CHRM3: variants seen among roughly 807,000 people sequenced by gnomAD.
CHRM3 encodes the protein muscarinic acetylcholine receptor M3.
Under a neutral mutation model 41.8 loss-of-function variants are expected in CHRM3, and 11 were observed. The ratio of observed to expected loss-of-function variants is 0.26; its 90% CI spans 0.17 to 0.44. The LOEUF (loss-of-function observed/expected upper bound fraction) is 0.44, where lower values mean the gene tolerates loss of function less well. Ranked by LOEUF, CHRM3 falls within the 20% of genes least tolerant of loss-of-function variation. CHRM3 has a pLI of 1.00. For missense variants in CHRM3, 571 were observed against 745.4 expected (o/e 0.77, Z 2.72); for synonymous variants, 297 against 301.4 (o/e 0.99, Z 0.15).
In CHRM3 at chr1:239,805,017, G is replaced by A. The variant is rs369114381; in HGVS notation, c.-146-22235G>A. On this transcript the variant is annotated intron_variant, in intron 5 of 6. Transcript: ENST00000676153. ...CACATTCTGAAACTATCCTCTGCCC[G>A]TTTCCTTAACTCTTACATAATTTCC... Among the ~76,000 whole-genome samples, 82 of 152,076 alleles carry A rather than the reference G, an allele frequency of 5.4e-4. 1 individual carries two copies. In the South Asian group the frequency reaches 0.014, roughly 27 times the overall value.
intron 6 of CHRM3, chr1:239,898,075 A>G (rs554861672): frequency 3.2e-4 from 49 of 152,380 alleles, no homozygotes; most frequent in African/African-American, 1.1e-3. Flanking sequence ...TTTGTTCACA[A>G]TAAGAGCCAT....
intron 2 of CHRM3, among the ~76,000 whole-genome samples, chr1:239,520,990 C>T (rs1473655968): frequency 6.6e-6 from 1 of 151,988 alleles, no homozygotes; most frequent in Non-Finnish European, 1.5e-5. Flanking sequence ...GAGTTTGACC[C>T]AATATGAACT....
chr1:239,426,160 C>G (rs1196997739), intron 1 of CHRM3, among the ~76,000 whole-genome samples: 3 of 112,356 alleles, frequency 2.7e-5, no homozygotes, highest in South Asian at 4.2e-4. Flanking sequence ...CCCCTCCCCC[C>G]ACCCCACAAC....
intron 1 of CHRM3, among the ~76,000 whole-genome samples, chr1:239,394,279 C>T (rs973226583): frequency 2.6e-5 from 4 of 152,248 alleles, no homozygotes; most frequent in Non-Finnish European, 4.4e-5. Context: ...TTCCTTTCTT[C>T]CTTCAGCTCC....
chr1:239,480,249 G>T (rs1251260511), intron 1 of CHRM3, among the ~76,000 whole-genome samples: 4 of 152,164 alleles, frequency 2.6e-5, no homozygotes, highest in South Asian at 2.1e-4. Flanking sequence ...CAGATGAAAA[G>T]CTCCTACATG....
At chr1:239,874,516 A>T (rs574708686) in intron 6 of CHRM3, among the ~76,000 whole-genome samples, 1 of 150,982 alleles carries the variant, frequency 6.6e-6, no homozygotes, top group Non-Finnish European at 1.5e-5. Context: ...GTATTTGAGG[A>T]TTTTGGTATC....
At chr1:239,692,134 G>A (rs1659779220) in intron 5 of CHRM3, among the ~76,000 whole-genome samples, 1 of 152,182 alleles carries the variant, frequency 6.6e-6, no homozygotes, top group Non-Finnish European at 1.5e-5. Context: ...CAGATAAATA[G>A]TAACAGGCTG....
chr1:239,407,974 T>C (rs1050633643), intron 1 of CHRM3, among the ~76,000 whole-genome samples: 1 of 152,084 alleles, frequency 6.6e-6, no homozygotes, highest in Non-Finnish European at 1.5e-5. Flanking sequence ...TACCACTATG[T>C]AAAATGTGAT....
chr1:239,671,175 G>A (rs1674328196), intron 4 of CHRM3, among the ~76,000 whole-genome samples: 1 of 152,080 alleles, frequency 6.6e-6, no homozygotes, highest in African/African-American at 2.4e-5. Context: ...TTTTTCATAG[G>A]ATTACTAGAC....
intron 2 of CHRM3, among the ~76,000 whole-genome samples, chr1:239,495,390 A>C (rs1667814169): frequency 6.6e-6 from 1 of 152,118 alleles, no homozygotes; most frequent in African/African-American, 2.4e-5. Context: ...TCTTCCCTCT[A>C]ATTAGCTTTC....
chr1:239,780,625 T>C (rs1668442730), intron 5 of CHRM3, among the ~76,000 whole-genome samples: 1 of 152,202 alleles, frequency 6.6e-6, no homozygotes, highest in Admixed American at 6.5e-5. Flanking sequence ...GAAGTCCCGC[T>C]TATCAATTAT....
chr1:239,881,261 C>A (rs369236212), intron 6 of CHRM3, among the ~76,000 whole-genome samples: 11 of 100,704 alleles, frequency 1.1e-4, no homozygotes, highest in Admixed American at 1.8e-4. Flanking sequence ...CCAGCCTGGG[C>A]GACAGAGTGA....
At chr1:239,499,543 G>T (rs1457679425) in intron 2 of CHRM3, among the ~76,000 whole-genome samples, 2 of 152,136 alleles carry the variant, frequency 1.3e-5, no homozygotes, top group African/African-American at 4.8e-5. Flanking sequence ...CTCAGTAAAA[G>T]ATTATATTTT....
intron 6 of CHRM3, among the ~76,000 whole-genome samples, chr1:239,847,795 G>A (rs1674390507): frequency 6.6e-6 from 1 of 151,968 alleles, no homozygotes; most frequent in South Asian, 2.1e-4. Flanking sequence ...CATGCCTGTA[G>A]TCCCAGCTAC....
At chr1:239,428,130 GA>G (rs1470977905) in intron 1 of CHRM3, among the ~76,000 whole-genome samples, 2 of 152,130 alleles carry the variant, frequency 1.3e-5, no homozygotes, top group Non-Finnish European at 2.9e-5. Flanking sequence ...GCACGTGCTC[GA>G]AAGAGAAGAG....
intron 3 of CHRM3, among the ~76,000 whole-genome samples, chr1:239,619,230 A>G (rs946096392): frequency 2.0e-5 from 3 of 151,950 alleles, no homozygotes; most frequent in African/African-American, 7.3e-5. Flanking sequence ...TCTCTTTTTT[A>G]TAACATATAG....
intron 1 of CHRM3, among the ~76,000 whole-genome samples, chr1:239,480,107 A>G (rs1572441441): frequency 1.3e-5 from 2 of 152,216 alleles, no homozygotes; most frequent in Non-Finnish European, 2.9e-5. Context: ...TTAACCTAGA[A>G]TTCTACATCT....
intron 1 of CHRM3, among the ~76,000 whole-genome samples, chr1:239,489,151 C>T (rs755017387): frequency 3.1e-4 from 47 of 152,184 alleles, no homozygotes; most frequent in Admixed American, 1.3e-3. Context: ...TGGTGGCTCA[C>T]GCCTGTAATC....
At chr1:239,491,397 G>C (rs1250969932) in intron 1 of CHRM3, among the ~76,000 whole-genome samples, 1 of 152,196 alleles carries the variant, frequency 6.6e-6, no homozygotes, top group African/African-American at 2.4e-5. Flanking sequence ...ATAGGTCTAA[G>C]AGATTAACTT....
Sources: gnomAD v4.1 joint callset for allele counts (sites outside exome capture counted in the v4.1 genomes callset) on GRCh38, gnomAD v4.1.1 for gene constraint, MANE v1.5 for transcripts, NCBI Gene and HGNC (gene_info 2026-07-23, HGNC 2026-07-21) for gene names.